The following CPED1 variants were observed in gnomAD, a reference collection of about 807,000 sequenced individuals.
CPED1 encodes the protein cadherin like and PC-esterase domain containing 1.
A neutral mutation model predicts 128.2 loss-of-function variants in CPED1; 114 were observed. The ratio of observed to expected loss-of-function variants is 0.89; its 90% confidence interval spans 0.76 to 1.04. The LOEUF (loss-of-function observed/expected upper bound fraction) is 1.04, where lower values mean the gene tolerates loss of function less well. Among genes scored for constraint, CPED1 ranks in the 50% least tolerant of loss-of-function variants. The pLI, the probability that CPED1 is intolerant of heterozygous loss-of-function variation, is 0.00. For missense variants in CPED1, 1,211 were observed against 1,207.1 expected, an observed-to-expected ratio of 1.00 and a Z score of -0.05; for synonymous variants, 462 against 426.7, an observed-to-expected ratio of 1.08 and a Z score of -1.02.
At chr7:121,194,048 A>ATATTTT (rs1396095392) in intron 16 of CPED1, among the ~76,000 whole-genome samples, 14 of 47,458 alleles carry the variant, frequency 2.9e-4, no homozygotes, top group African/African-American at 4.1e-4. Flanking sequence ...ATATATATAT[A>ATATTTT]TTTTTTTTTT....
chr7:121,083,378 C>G (rs1271828747), intron 5 of CPED1, among the ~76,000 whole-genome samples: 1 of 152,096 alleles, frequency 6.6e-6, no homozygotes, highest in East Asian at 1.9e-4. Flanking sequence ...AATTAGTTGT[C>G]CTAGCTTTTT....
At chr7:121,063,405 A>T (rs577881003) in intron 4 of CPED1, among the ~76,000 whole-genome samples, 122 of 150,494 alleles carry the variant, frequency 8.1e-4, no homozygotes, top group African/African-American at 2.9e-3. Context: ...AAAAAAAAGC[A>T]AATGATGATT....
chr7:121,179,039 G>A (rs1242919530), intron 16 of CPED1, among the ~76,000 whole-genome samples: 4 of 152,032 alleles, frequency 2.6e-5, no homozygotes, highest in African/African-American at 7.2e-5. Flanking sequence ...TCAGAGATAT[G>A]GGAGGAGAAC....
chr7:121,042,770 A>G (rs1013959659), intron 3 of CPED1, among the ~76,000 whole-genome samples: 6 of 152,244 alleles, frequency 3.9e-5, no homozygotes, highest in Non-Finnish European at 5.9e-5. Context: ...TATTTGGCAC[A>G]TTGTAAGTTC....
intron 5 of CPED1, among the ~76,000 whole-genome samples, chr7:121,093,657 T>A (rs1263534151): frequency 6.6e-6 from 1 of 152,100 alleles, no homozygotes; most frequent in African/African-American, 2.4e-5. Flanking sequence ...TTTGGGAATA[T>A]TTGTTGCCAG....
intron 6 of CPED1, 83 bp downstream of exon 6, chr7:121,097,914 G>C (rs1482202477): frequency 7.2e-7 from 1 of 1,391,930 alleles, no homozygotes; most frequent in African/African-American, 1.4e-5. Flanking sequence ...ACAGATATGG[G>C]GGGTTCACAT....
intron 14 of CPED1, among the ~76,000 whole-genome samples, chr7:121,137,314 G>C (rs1795806343): frequency 6.6e-6 from 1 of 151,926 alleles, no homozygotes; most frequent in Non-Finnish European, 1.5e-5. Flanking sequence ...TAGGACTATA[G>C]GCATGAGCTA....
intron 3 of CPED1, among the ~76,000 whole-genome samples, chr7:121,025,247 G>A (rs1207292927): frequency 6.6e-6 from 1 of 151,904 alleles, no homozygotes; most frequent in South Asian, 2.1e-4. Flanking sequence ...AGAAAAAGTA[G>A]AAATTTTTTC....
At chr7:121,170,825 T>TG (rs1253055835) in intron 16 of CPED1, among the ~76,000 whole-genome samples, 7 of 151,888 alleles carry the variant, frequency 4.6e-5, no homozygotes, top group African/African-American at 1.7e-4. Context: ...CTGAGGTGGG[T>TG]GGATCACCTG....
chr7:121,165,901 A>C (rs887213616), intron 16 of CPED1, among the ~76,000 whole-genome samples: 4 of 152,230 alleles, frequency 2.6e-5, no homozygotes, highest in Non-Finnish European at 5.9e-5. Flanking sequence ...CTTCAGCATC[A>C]AGCTAAGATA....
intron 4 of CPED1, among the ~76,000 whole-genome samples, chr7:121,057,106 A>G (rs911433700): frequency 6.6e-6 from 1 of 151,648 alleles, no homozygotes; most frequent in Non-Finnish European, 1.5e-5. Flanking sequence ...GCCTCCTGAG[A>G]ATCTGGGAGT....
At chr7:121,272,511 T>C (rs1323968882) in intron 22 of CPED1, among the ~76,000 whole-genome samples, 1 of 152,068 alleles carries the variant, frequency 6.6e-6, no homozygotes, top group East Asian at 1.9e-4. Context: ...TTTGGCTCCT[T>C]GGTATCCAAC....
intron 22 of CPED1, among the ~76,000 whole-genome samples, chr7:121,290,577 A>G (rs1037932420): frequency 2.0e-5 from 3 of 152,022 alleles, no homozygotes; most frequent in East Asian, 1.9e-4. Flanking sequence ...GCTTTTTTTC[A>G]TATGTTTATT....
intron 7 of CPED1, among the ~76,000 whole-genome samples, chr7:121,121,476 CA>C (rs1383649238): frequency 6.6e-6 from 1 of 152,136 alleles, no homozygotes; most frequent in Non-Finnish European, 1.5e-5. Flanking sequence ...CTAAAATTTA[CA>C]CTGAAGGAAG....
chr7:121,183,868 A>T (rs999659127), intron 16 of CPED1, among the ~76,000 whole-genome samples: 1 of 152,148 alleles, frequency 6.6e-6, no homozygotes, highest in African/African-American at 2.4e-5. Context: ...ACTGTTTTCC[A>T]TACTTCTTTA....
intron 5 of CPED1, among the ~76,000 whole-genome samples, chr7:121,078,544 A>G (rs1011710844): frequency 6.6e-6 from 1 of 151,222 alleles, no homozygotes; most frequent in Admixed American, 6.6e-5. Flanking sequence ...TTATTGACAT[A>G]CTAGTTGAAA....
intron 5 of CPED1, among the ~76,000 whole-genome samples, chr7:121,077,697 C>T (rs1270272688): frequency 6.7e-6 from 1 of 149,888 alleles, no homozygotes; most frequent in African/African-American, 2.5e-5. Context: ...TATATTTTTC[C>T]ATTTATACAA....
At chr7:121,213,379 A>C (rs964140477) in intron 16 of CPED1, among the ~76,000 whole-genome samples, 1 of 152,052 alleles carries the variant, frequency 6.6e-6, no homozygotes, top group Admixed American at 6.6e-5. Context: ...GTTCAATGCC[A>C]TAGTGCATCT....
intron 5 of CPED1, among the ~76,000 whole-genome samples, chr7:121,079,982 T>C (rs1304448920): frequency 2.6e-5 from 4 of 152,190 alleles, no homozygotes; most frequent in Non-Finnish European, 4.4e-5. Flanking sequence ...AAAAGAAAGA[T>C]ATTCAGTTTT....
Sources: gnomAD v4.1 joint callset for allele counts (sites outside exome capture counted in the v4.1 genomes callset) on GRCh38, gnomAD v4.1.1 for gene constraint, MANE v1.5 for transcripts, NCBI Gene and HGNC (gene_info 2026-07-23, HGNC 2026-07-21) for gene names.